PCDH11X: variants seen among roughly 807,000 people sequenced by gnomAD.
PCDH11X encodes protocadherin 11 X-linked.
In PCDH11X, 18 loss-of-function variants were observed where a neutral mutation model predicts 53.3. The ratio of observed to expected loss-of-function variants is 0.34; its 90% confidence interval spans 0.23 to 0.50. PCDH11X has a LOEUF of 0.50. Among genes scored for constraint, PCDH11X ranks in the 20% least tolerant of loss-of-function variants. The pLI is 0.98. For missense variants in PCDH11X, 570 were observed against 1,032.4 expected, an observed-to-expected ratio of 0.55 and a Z score of 6.14; for synonymous variants, 279 against 393.3, an observed-to-expected ratio of 0.71 and a Z score of 3.44.
chrX:92,166,284 A>G, intron 6 of PCDH11X, among the ~76,000 whole-genome samples: 1 of 107,242 alleles, frequency 9.3e-6, no homozygotes, highest in Non-Finnish European at 1.9e-5. Flanking sequence ...AATCTACTAT[A>G]ATCTTATTTT....
At chrX:92,334,611 A>G (rs2069571816) in intron 8 of PCDH11X, among the ~76,000 whole-genome samples, 1 of 111,494 alleles carries the variant, frequency 9.0e-6, no homozygotes, top group South Asian at 3.7e-4. Flanking sequence ...GTACTCCCAA[A>G]AAGCAGAGAA....
intron 8 of PCDH11X, among the ~76,000 whole-genome samples, chrX:92,282,539 G>T (rs758923755): frequency 8.9e-6 from 1 of 111,782 alleles, no homozygotes; most frequent in East Asian, 2.8e-4. Flanking sequence ...AGAAAGCTAA[G>T]AACAGTATGC....
chrX:92,499,565 C>T (rs2073920122), intron 10 of PCDH11X, among the ~76,000 whole-genome samples: 2 of 66,031 alleles, frequency 3.0e-5, no homozygotes, highest in South Asian at 3.2e-3. Context: ...GGTGGGAGGC[C>T]GAGGCAGTCA....
chrX:92,473,071 T>A lies in PCDH11X; in HGVS notation c.3367+4749T>A, dbSNP rs190853621. On this transcript the variant is annotated intron_variant, in intron 10 of 10. Coordinates refer to ENST00000682573, the MANE Select transcript of PCDH11X (RefSeq NM_032968.5). The stretch of plus-strand genomic sequence containing the variant: ...TTTTTTTAGATATAGGGTCATGTCA[T>A]CTGCAAACAGAGATAGTTTGACTTC... Among the ~76,000 whole-genome samples the A allele has an allele frequency of 1.7e-3, 183 of 107,431 alleles. 2 individuals carry two copies. The highest frequency in any genetic ancestry group is 0.014 in the Admixed American group (135 of 9,908). The allele number at this position is 107,431 out of a possible 115,157, so 93.3% of individuals were successfully genotyped here.
chrX:92,060,287 T>C (rs2063506565), intron 6 of PCDH11X, among the ~76,000 whole-genome samples: 1 of 102,183 alleles, frequency 9.8e-6, no homozygotes. Flanking sequence ...TAAGTAATTT[T>C]GTTTTATTTT....
intron 9 of PCDH11X, among the ~76,000 whole-genome samples, chrX:92,451,591 C>A (rs2072781861): frequency 9.0e-6 from 1 of 110,816 alleles, no homozygotes; most frequent in Admixed American, 9.7e-5. Context: ...ATTTCCGTTA[C>A]AGGGTAAGAA....
intron 5 of PCDH11X, among the ~76,000 whole-genome samples, chrX:91,858,478 T>G (rs1304782836): frequency 1.8e-5 from 2 of 111,806 alleles, no homozygotes; most frequent in African/African-American, 6.5e-5. Flanking sequence ...ATTGTCAGAC[T>G]GCAATTTTTC....
At chrX:92,001,746 G>A (rs1383464700) in intron 6 of PCDH11X, among the ~76,000 whole-genome samples, 1 of 111,125 alleles carries the variant, frequency 9.0e-6, no homozygotes, top group Non-Finnish European at 1.9e-5. Context: ...GGGATTATAG[G>A]TGTGAGCCAC....
chrX:92,417,161 C>T (rs1298173965), intron 9 of PCDH11X, among the ~76,000 whole-genome samples: 1 of 111,544 alleles, frequency 9.0e-6, no homozygotes, highest in Non-Finnish European at 1.9e-5. Context: ...AGAAAGGTAG[C>T]AATAAATGAA....
chrX:92,068,307 C>T (rs1358727201), intron 6 of PCDH11X, among the ~76,000 whole-genome samples: 2 of 110,562 alleles, frequency 1.8e-5, no homozygotes, highest in East Asian at 5.7e-4. Context: ...AGCTATCAAT[C>T]TCCCCCTTAG....
chrX:92,317,209 A>C (rs763204731), intron 8 of PCDH11X, among the ~76,000 whole-genome samples: 55 of 89,276 alleles, frequency 6.2e-4, no homozygotes, highest in African/African-American at 2.2e-3. Flanking sequence ...TTTGCATTCA[A>C]TTTGAATGAA....
intron 8 of PCDH11X, among the ~76,000 whole-genome samples, chrX:92,363,367 C>T (rs1346514447): frequency 9.0e-6 from 1 of 110,992 alleles, no homozygotes; most frequent in African/African-American, 3.3e-5. Flanking sequence ...CCTTTCCCCT[C>T]TTTGGTTAGG....
intron 8 of PCDH11X, among the ~76,000 whole-genome samples, chrX:92,314,978 G>A (rs1227187354): frequency 2.7e-5 from 3 of 110,885 alleles, no homozygotes; most frequent in Non-Finnish European, 5.7e-5. Context: ...AAATTTGAAC[G>A]CTTAACAATA....
At chrX:91,781,201 T>C (rs1935126992) in intron 1 of PCDH11X, among the ~76,000 whole-genome samples, 1 of 112,186 alleles carries the variant, frequency 8.9e-6, no homozygotes, top group Admixed American at 9.4e-5. Context: ...TTTTAAAGTG[T>C]CCTTTTCTTG....
chrX:92,140,681 C>T (rs866842415), intron 6 of PCDH11X, among the ~76,000 whole-genome samples: 2 of 110,702 alleles, frequency 1.8e-5, no homozygotes, highest in African/African-American at 3.3e-5. Context: ...GGCCTTTTTT[C>T]AAAATTATTT....
At chrX:92,149,900 G>C (rs1168909274) in intron 6 of PCDH11X, among the ~76,000 whole-genome samples, 4 of 111,257 alleles carry the variant, frequency 3.6e-5, no homozygotes, top group Non-Finnish European at 7.6e-5. Context: ...GGATTTCAAG[G>C]TTTATCCATG....
chrX:92,600,497 G>A (rs1479243036), intron 10 of PCDH11X, among the ~76,000 whole-genome samples: 1 of 111,406 alleles, frequency 9.0e-6, no homozygotes, highest in Non-Finnish European at 1.9e-5. Context: ...TATTGGGCCT[G>A]TGGGTGCACA....
At position 92,587,695 on chromosome X, in the gene PCDH11X, T is replaced by A. The variant is rs769528086; in HGVS notation, c.3368-30569T>A. Among the ~76,000 whole-genome samples the A allele has an allele frequency of 6.5e-5, 7 of 108,092 alleles. No homozygotes were observed. The South Asian group carries it at 2.9e-3, about 45-fold the overall frequency. The allele number at this position is 108,092 out of a possible 115,157, so 93.9% of individuals were successfully genotyped here. On this transcript the variant is annotated intron_variant, in intron 10 of 10. Transcript: ENST00000682573. ...CTGACTTCTTCTCAGTAAATGCAGA[T>A]GGCAACAGTTCACTTGTAAATGGTT...
chrX:92,122,872 G>A (rs2064796284), intron 6 of PCDH11X, among the ~76,000 whole-genome samples: 1 of 111,133 alleles, frequency 9.0e-6, no homozygotes, highest in South Asian at 3.8e-4. Flanking sequence ...GGGAGGTGGA[G>A]GTTCCAGTGA....
Sources: gnomAD v4.1 joint callset for allele counts (sites outside exome capture counted in the v4.1 genomes callset) on GRCh38, gnomAD v4.1.1 for gene constraint, MANE v1.5 for transcripts, NCBI Gene and HGNC (gene_info 2026-07-23, HGNC 2026-07-21) for gene names.